Variants in VPS13A observed in about 807,000 individuals in gnomAD.
VPS13A encodes vacuolar protein sorting 13 homolog A.
Under a neutral mutation model 390.9 loss-of-function variants are expected in VPS13A, and 264 were observed. The ratio of observed to expected loss-of-function variants is 0.68; its 90% confidence interval spans 0.61 to 0.75. The LOEUF is 0.75. VPS13A is among the 30% of genes least tolerant of loss of function. The probability of loss-of-function intolerance (pLI) is 0.00; values close to 1 mark genes in which losing one functional copy is unlikely to be tolerated. For synonymous variants in VPS13A, 1,231 were observed against 1,227.1 expected (o/e 1.00, Z -0.07); for missense variants, 3,409 against 3,733.9 (o/e 0.91, Z 2.27).
At chr9:77,214,102 C>T (rs1198808265) in intron 9 of VPS13A, among the ~76,000 whole-genome samples, 1 of 151,772 alleles carries the variant, frequency 6.6e-6, no homozygotes, top group Non-Finnish European at 1.5e-5. Context: ...ATGTTAAAAC[C>T]CTGTCTCTAC....
chr9:77,400,234 T>TTTTTTTTTTTTTG (rs1834317561), intron 68 of VPS13A, among the ~76,000 whole-genome samples: 1 of 150,354 alleles, frequency 6.7e-6, no homozygotes, highest in African/African-American at 2.5e-5. Flanking sequence ...TTTTTTTTTT[T>TTTTTTTTTTTTTG]TTTTTTTTTT....
chr9:77,309,327 A>G (rs1161874412), intron 35 of VPS13A, among the ~76,000 whole-genome samples: 1 of 152,198 alleles, frequency 6.6e-6, no homozygotes, highest in Non-Finnish European at 1.5e-5. Context: ...CTTAAGAGTG[A>G]TGTTTTAGTT....
chr9:77,307,331 T>C (rs564181879), intron 34 of VPS13A, among the ~76,000 whole-genome samples: 3 of 152,246 alleles, frequency 2.0e-5, no homozygotes, highest in African/African-American at 7.2e-5. Flanking sequence ...TGGTACATGA[T>C]TGTAATCCCA....
At chr9:77,260,740 A>G (rs1825713079) in intron 23 of VPS13A, among the ~76,000 whole-genome samples, 1 of 152,114 alleles carries the variant, frequency 6.6e-6, no homozygotes, top group African/African-American at 2.4e-5. Context: ...CTACTTTTCT[A>G]ATTTCTGCAG....
rs371788902 is a variant in VPS13A at position 77,395,541 on chromosome 9, G to A, written c.9190-7695G>A. The stretch of plus-strand genomic sequence containing the variant: ...GACACGAAATGAGCATGTGCTGTTG[G>A]ACAAATGGTGCCTGTAGACTTGCTT... On this transcript the variant is annotated intron_variant, in intron 68 of 71. Coordinates refer to ENST00000360280, the MANE Select transcript of VPS13A (RefSeq NM_033305.3). Among the ~76,000 whole-genome samples, 10 of 152,294 alleles carry A rather than the reference G, an allele frequency of 6.6e-5. No homozygotes were observed. In the South Asian group the frequency reaches 1.9e-3, roughly 28 times the overall value.
intron 20 of VPS13A, among the ~76,000 whole-genome samples, chr9:77,249,383 T>G (rs1421862115): frequency 6.6e-6 from 1 of 152,232 alleles, no homozygotes; most frequent in Non-Finnish European, 1.5e-5. Context: ...GGAGTAAGGA[T>G]ATCTAATTTT....
intron 1 of VPS13A, among the ~76,000 whole-genome samples, chr9:77,187,427 G>A (rs945503536): frequency 1.3e-5 from 2 of 152,032 alleles, no homozygotes; most frequent in African/African-American, 4.8e-5. Context: ...TTATCCTAAT[G>A]GATATGAGGT....
At position 77,400,220 on chromosome 9, in the gene VPS13A, CAG is replaced by C. The variant is rs1422154963; in HGVS notation, c.9190-3014_9190-3013del. Among the ~76,000 whole-genome samples the C allele has an allele frequency of 2.5e-3, 262 of 104,898 alleles. 2 individuals carry two copies. Among genetic ancestry groups the C allele is most frequent in the African/African-American group, 0.012 (251 of 21,648 alleles). 68.8% of individuals were successfully genotyped at this position (104,898 alleles called of 152,430 possible). ...TGAATATTTTCTCATGTTTATCAGT[CAG>C]ATTTTTTTTTTTTTTTTTTTTTTGC... On this transcript the variant is annotated intron_variant, in intron 68 of 71. Transcript: ENST00000360280.
At chr9:77,304,047 A>G (rs561317731) in intron 34 of VPS13A, among the ~76,000 whole-genome samples, 1 of 152,234 alleles carries the variant, frequency 6.6e-6, no homozygotes, top group South Asian at 2.1e-4. Context: ...TCATCCCACG[A>G]GGCCATATTT....
chr9:77,207,408 C>G (rs1825744169), intron 5 of VPS13A, among the ~76,000 whole-genome samples: 1 of 149,498 alleles, frequency 6.7e-6, no homozygotes, highest in Non-Finnish European at 1.5e-5. Flanking sequence ...ATATATTACA[C>G]ACACATCCTT....
chr9:77,267,735 G>A (rs1239995964), intron 23 of VPS13A, among the ~76,000 whole-genome samples: 4 of 152,202 alleles, frequency 2.6e-5, no homozygotes, highest in Non-Finnish European at 4.4e-5. Context: ...CCAGCAAGCA[G>A]GAATGTTTAA....
intron 27 of VPS13A, among the ~76,000 whole-genome samples, chr9:77,280,766 A>G (rs575540477): frequency 2.0e-5 from 3 of 152,330 alleles, no homozygotes; most frequent in South Asian, 4.1e-4. Flanking sequence ...ACTTTATAAT[A>G]AGAATAATGC....
chr9:77,393,864 G>A (rs985908776), intron 68 of VPS13A, among the ~76,000 whole-genome samples: 1 of 152,148 alleles, frequency 6.6e-6, no homozygotes, highest in African/African-American at 2.4e-5. Flanking sequence ...CGCCTCCTGG[G>A]TTCAAGCAAT....
chr9:77,344,073 C>A, intron 50 of VPS13A, 80 bp from the exon 51 acceptor site: 3 of 1,312,086 alleles, frequency 2.3e-6, no homozygotes, highest in South Asian at 2.6e-5. Context: ...TAAGTCTATT[C>A]TGATGGGAAT....
intron 23 of VPS13A, among the ~76,000 whole-genome samples, chr9:77,265,427 G>A (rs1013526502): frequency 6.6e-6 from 1 of 152,008 alleles, no homozygotes; most frequent in African/African-American, 2.4e-5. Flanking sequence ...ATCTGGTCGT[G>A]GGCTTTTTTT....
chr9:77,373,040 C>T (rs1006769677), intron 67 of VPS13A, among the ~76,000 whole-genome samples: 39 of 152,180 alleles, frequency 2.6e-4, no homozygotes, highest in African/African-American at 5.8e-4. Context: ...GAATCAATAT[C>T]GTGAAAATGG....
chr9:77,208,269 T>C (rs1374087416), intron 5 of VPS13A, among the ~76,000 whole-genome samples: 3 of 152,164 alleles, frequency 2.0e-5, no homozygotes, highest in African/African-American at 7.2e-5. Flanking sequence ...CATTTAACTC[T>C]GGTGTATTTG....
chr9:77,186,200 G>A (rs952549264), intron 1 of VPS13A, among the ~76,000 whole-genome samples: 5 of 152,084 alleles, frequency 3.3e-5, no homozygotes, highest in Non-Finnish European at 5.9e-5. Flanking sequence ...TTACAATACA[G>A]TATACAGATT....
chr9:77,257,434 T>C (rs1210673027), intron 22 of VPS13A, among the ~76,000 whole-genome samples: 1 of 151,992 alleles, frequency 6.6e-6, no homozygotes, highest in Non-Finnish European at 1.5e-5. Flanking sequence ...TGGGTCTTGC[T>C]ATGTTGCCCA....
Sources: gnomAD v4.1 joint callset for allele counts (sites outside exome capture counted in the v4.1 genomes callset) on GRCh38, gnomAD v4.1.1 for gene constraint, MANE v1.5 for transcripts, NCBI Gene and HGNC (gene_info 2026-07-23, HGNC 2026-07-21) for gene names.